Variants in GAB2 observed in about 807,000 individuals in gnomAD.
The protein encoded by GAB2 is GRB2 associated binding protein 2.
A neutral mutation model predicts 65.5 loss-of-function variants in GAB2; 26 were observed. The observed-to-expected ratio is 0.40, with a 90% CI of 0.29 to 0.55. The LOEUF is 0.55. Among genes scored for constraint, GAB2 ranks in the 20% least tolerant of loss-of-function variants. The pLI is 0.53. For synonymous variants in GAB2, 321 were observed against 329.6 expected (o/e 0.97, Z 0.28); for missense variants, 884 against 875.8 (o/e 1.01, Z -0.12).
chr11:78,293,135 A>G (rs1224280202), intron 1 of GAB2, among the ~76,000 whole-genome samples: 1 of 152,210 alleles, frequency 6.6e-6, no homozygotes, highest in Non-Finnish European at 1.5e-5. Context: ...CCTAGTCCAA[A>G]GTTATTTCCA....
chr11:78,286,362 C>G (rs1471831166), intron 1 of GAB2, among the ~76,000 whole-genome samples: 2 of 152,016 alleles, frequency 1.3e-5, no homozygotes, highest in Non-Finnish European at 2.9e-5. Flanking sequence ...CCAGGTAGAG[C>G]TGGAGGTGCT....
chr11:78,219,179 G>T lies in GAB2; in HGVS notation c.*93C>A. ...CTGAGACTGGCAGAGTAGAGAGGAG[G>T]TGGATGGGAGGAAGAACGGGAGAGG... On this transcript the variant is annotated 3_prime_UTR_variant, in exon 10 of 10. Transcript: ENST00000361507. 11 of 1,190,450 alleles carry T rather than the reference G, an allele frequency of 9.2e-6. No individual in the cohort carries two copies. Among genetic ancestry groups the T allele is most frequent in the Non-Finnish European group, 1.3e-5 (11 of 822,226 alleles). The allele number at this position is 1,190,450 out of a possible 1,614,324, so 73.7% of individuals were successfully genotyped here.
At chr11:78,324,211 T>C (rs967535653) in intron 1 of GAB2, among the ~76,000 whole-genome samples, 6 of 152,172 alleles carry the variant, frequency 3.9e-5, no homozygotes, top group African/African-American at 1.4e-4. Context: ...TCTACAAGTA[T>C]ATCATATTCT....
chr11:78,231,594 C>T (rs1027158221), intron 3 of GAB2, among the ~76,000 whole-genome samples: 3 of 152,152 alleles, frequency 2.0e-5, no homozygotes, highest in Admixed American at 6.5e-5. Flanking sequence ...GTGGTCTGCC[C>T]GCCTCAGCCT....
chr11:78,221,001 G>A (rs941792784), intron 8 of GAB2, among the ~76,000 whole-genome samples: 3 of 152,204 alleles, frequency 2.0e-5, no homozygotes, highest in Admixed American at 1.3e-4. Context: ...AAGATCTGAA[G>A]AGGGTGGCTT....
intron 1 of GAB2, among the ~76,000 whole-genome samples, chr11:78,313,176 T>C (rs1855535712): frequency 6.6e-6 from 1 of 152,194 alleles, no homozygotes; most frequent in Admixed American, 6.5e-5. Context: ...AGTGTATTCT[T>C]TGGGATCACT....
intron 1 of GAB2, among the ~76,000 whole-genome samples, chr11:78,310,346 CA>C (rs140896478): frequency 0.11 from 12,672 of 120,060 alleles, 1,680 homozygotes; most frequent in African/African-American, 0.33. Context: ...ACTAAAAATA[CA>C]AAAAAAAAAA....
intron 3 of GAB2, among the ~76,000 whole-genome samples, chr11:78,235,666 T>C (rs1009738061): frequency 6.6e-6 from 1 of 152,220 alleles, no homozygotes; most frequent in African/African-American, 2.4e-5. Context: ...CACCAGTCTC[T>C]GCTAAAACAA....
intron 3 of GAB2, among the ~76,000 whole-genome samples, chr11:78,234,006 C>G (rs1282943915): frequency 6.6e-6 from 1 of 152,164 alleles, no homozygotes; most frequent in Non-Finnish European, 1.5e-5. Context: ...TTTTATGATT[C>G]TTGCTTTTTC....
intron 1 of GAB2, among the ~76,000 whole-genome samples, chr11:78,307,172 G>A (rs927460695): frequency 1.3e-5 from 2 of 152,140 alleles, no homozygotes; most frequent in African/African-American, 4.8e-5. Context: ...CAGTCACTAA[G>A]AGTAGCCCAT....
At chr11:78,254,263 C>G (rs942009677) in intron 2 of GAB2, among the ~76,000 whole-genome samples, 3 of 152,148 alleles carry the variant, frequency 2.0e-5, no homozygotes, top group Non-Finnish European at 4.4e-5. Context: ...TAGAACAGCC[C>G]CAGCCATGGT....
At chr11:78,318,254 A>C (rs1216052891) in intron 1 of GAB2, 3 of 151,540 alleles carry the variant, frequency 2.0e-5, no homozygotes, top group African/African-American at 7.3e-5. Flanking sequence ...TATCAGGAGG[A>C]GGGACCAGCA....
intron 2 of GAB2, among the ~76,000 whole-genome samples, chr11:78,261,573 A>G (rs1865733251): frequency 6.6e-6 from 1 of 152,084 alleles, no homozygotes; most frequent in South Asian, 2.1e-4. Flanking sequence ...TACCTATCGT[A>G]CCCCTTAGCT....
intron 1 of GAB2, among the ~76,000 whole-genome samples, chr11:78,361,105 T>A (rs569200610): frequency 5.3e-4 from 80 of 152,324 alleles, no homozygotes; most frequent in African/African-American, 1.9e-3. Flanking sequence ...AATGCTTAGA[T>A]TATGATAGAA....
rs905424800 is a variant in GAB2 at position 78,215,301 on chromosome 11, T to G, written c.*3971A>C. 3.0e-4 allele frequency: 45 copies of G among 152,206 alleles called. No individual in the cohort carries two copies. The highest frequency in any genetic ancestry group is 1.1e-3 in the African/African-American group (44 of 41,222). The allele number at this position is 152,206 out of a possible 1,614,324, so 9.4% of individuals were successfully genotyped here. ...ATGGACACGGCAGCTGGTTCTGGGG[T>G]GCATTTCTAGTGGACTTTATTGTCC... is the stretch of plus-strand genomic sequence containing the variant. On this transcript the variant is annotated 3_prime_UTR_variant, in exon 10 of 10. Coordinates refer to ENST00000361507, the MANE Select transcript of GAB2 (RefSeq NM_080491.3).
At chr11:78,262,284 C>A (rs1865754994) in intron 2 of GAB2, among the ~76,000 whole-genome samples, 1 of 152,192 alleles carries the variant, frequency 6.6e-6, no homozygotes, top group South Asian at 2.1e-4. Flanking sequence ...GTTGTGAAAC[C>A]TAGGGATGGT....
intron 2 of GAB2, among the ~76,000 whole-genome samples, chr11:78,257,917 TCA>T (rs768348832): frequency 1.6e-4 from 25 of 152,104 alleles, no homozygotes; most frequent in Non-Finnish European, 2.6e-4. Flanking sequence ...GAATCAGATC[TCA>T]CAGTCTCCAA....
chr11:78,263,944 T>C (rs1565132314), intron 2 of GAB2, among the ~76,000 whole-genome samples: 1 of 151,122 alleles, frequency 6.6e-6, no homozygotes, highest in Admixed American at 6.6e-5. Context: ...GGGGGAGCAA[T>C]AAACATAACT....
chr11:78,225,283 C>G, intron 4 of GAB2, 81 bp from the exon 5 acceptor site: 1 of 879,482 alleles, frequency 1.1e-6, no homozygotes, highest in African/African-American at 1.6e-5. Context: ...CAGTGTGGTT[C>G]AAGGTCTTAC....
Sources: allele counts gnomAD v4.1 joint callset (sites outside exome capture counted in the v4.1 genomes callset), GRCh38; gene constraint gnomAD v4.1.1; transcripts MANE v1.5; gene names NCBI Gene and HGNC (gene_info 2026-07-23, HGNC 2026-07-21).